The following ENAH variants were observed in gnomAD, a reference collection of about 807,000 sequenced individuals.
ENAH encodes the protein ENAH actin regulator.
A neutral mutation model predicts 78.7 loss-of-function variants in ENAH; 23 were observed. That is an observed-to-expected ratio of 0.29 (90% CI 0.21 to 0.41). The LOEUF is 0.41. Among genes scored for constraint, ENAH ranks in the 10% least tolerant of loss-of-function variants. The pLI, the probability that ENAH is intolerant of heterozygous loss-of-function variation, is 1.00. For missense variants in ENAH, 544 were observed against 691.0 expected, an observed-to-expected ratio of 0.79 and a Z score of 2.39; for synonymous variants, 226 against 241.0, an observed-to-expected ratio of 0.94 and a Z score of 0.58.
At chr1:225,501,372 T>G (rs1331800172) in intron 11 of ENAH, 2 of 276,000 alleles carry the variant, frequency 7.2e-6, no homozygotes, top group Non-Finnish European at 1.3e-5. Context: ...ACGTGGCACG[T>G]TGACCAAAAC....
chr1:225,616,131 C>T (rs996910195), intron 1 of ENAH, among the ~76,000 whole-genome samples: 1 of 151,990 alleles, frequency 6.6e-6, no homozygotes, highest in Non-Finnish European at 1.5e-5. Flanking sequence ...TTGAAGGCAG[C>T]ATGCTGGTTA....
At chr1:225,514,198 ACT>A in intron 7 of ENAH, among the ~76,000 whole-genome samples, 1 of 152,094 alleles carries the variant, frequency 6.6e-6, no homozygotes, top group Non-Finnish European at 1.5e-5. Flanking sequence ...ACAAAGTCTT[ACT>A]CTGTCACCCA....
At chr1:225,532,366 T>A (rs1393783923) in intron 3 of ENAH, among the ~76,000 whole-genome samples, 1 of 152,106 alleles carries the variant, frequency 6.6e-6, no homozygotes, top group Non-Finnish European at 1.5e-5. Context: ...AACTATTTTT[T>A]AAAATAATGT....
chr1:225,597,516 G>C (rs989615784), intron 1 of ENAH, among the ~76,000 whole-genome samples: 2 of 151,928 alleles, frequency 1.3e-5, no homozygotes, highest in Non-Finnish European at 2.9e-5. Flanking sequence ...AATTAGCTGG[G>C]CATGGTGGTA....
At chr1:225,593,221 A>G (rs1345488165) in intron 1 of ENAH, among the ~76,000 whole-genome samples, 2 of 152,178 alleles carry the variant, frequency 1.3e-5, no homozygotes, top group African/African-American at 4.8e-5. Context: ...CAGGAGTTTC[A>G]TAGTTCACAT....
chr1:225,536,446 C>G (rs1018649163), intron 3 of ENAH, among the ~76,000 whole-genome samples: 1 of 151,734 alleles, frequency 6.6e-6, no homozygotes, highest in African/African-American at 2.4e-5. Context: ...CAATAATTTT[C>G]TGTAAAATCC....
intron 1 of ENAH, among the ~76,000 whole-genome samples, chr1:225,641,278 A>G (rs1277005937): frequency 6.6e-6 from 1 of 152,026 alleles, no homozygotes; most frequent in Non-Finnish European, 1.5e-5. Flanking sequence ...TATGATGTCT[A>G]TATAGTAAAA....
intron 4 of ENAH, among the ~76,000 whole-genome samples, chr1:225,527,236 A>G (rs1300713749): frequency 2.0e-5 from 3 of 152,250 alleles, no homozygotes; most frequent in Non-Finnish European, 4.4e-5. Flanking sequence ...CCAGTTAAAC[A>G]GCCAAAGTTA....
intron 1 of ENAH, among the ~76,000 whole-genome samples, chr1:225,611,103 A>G (rs541323142): frequency 1.3e-5 from 2 of 152,300 alleles, no homozygotes; most frequent in East Asian, 3.9e-4. Context: ...AAGAGGGCAT[A>G]AAGTGATGGT....
intron 1 of ENAH, among the ~76,000 whole-genome samples, chr1:225,587,411 A>G (rs144162480): frequency 1.3e-5 from 2 of 152,356 alleles, no homozygotes; most frequent in African/African-American, 4.8e-5. Context: ...AAAGTTTTAA[A>G]AACTGCATTT....
chr1:225,573,357 TTCTC>T (rs1479562534), intron 1 of ENAH, among the ~76,000 whole-genome samples: 5 of 152,192 alleles, frequency 3.3e-5, no homozygotes, highest in African/African-American at 7.2e-5. Flanking sequence ...CTCTTATTAA[TTCTC>T]TCTGTGGTTC....
chr1:225,512,441 CA>C (rs1480941582), intron 9 of ENAH, among the ~76,000 whole-genome samples: 1 of 152,132 alleles, frequency 6.6e-6, no homozygotes, highest in Admixed American at 6.5e-5. Flanking sequence ...ATGCTTTTCC[CA>C]TAATTTCACA....
intron 10 of ENAH, among the ~76,000 whole-genome samples, chr1:225,511,534 G>A (rs2096376796): frequency 6.6e-6 from 1 of 152,148 alleles, no homozygotes; most frequent in Non-Finnish European, 1.5e-5. Flanking sequence ...TAACTAACAT[G>A]CTCACTTTAT....
At chr1:225,566,074 C>CAA (rs1160296256) in intron 2 of ENAH, among the ~76,000 whole-genome samples, 1 of 152,080 alleles carries the variant, frequency 6.6e-6, no homozygotes, top group South Asian at 2.1e-4. Context: ...CAGTGCTCTA[C>CAA]AACCAGTGTT....
At chr1:225,561,060 CCT>C (rs1270158691) in intron 2 of ENAH, among the ~76,000 whole-genome samples, 2 of 151,604 alleles carry the variant, frequency 1.3e-5, no homozygotes, top group African/African-American at 4.9e-5. Flanking sequence ...ATGGTGAAAC[CCT>C]GTCTCTACTG....
At chr1:225,620,038 T>A (rs572842130) in intron 1 of ENAH, among the ~76,000 whole-genome samples, 5 of 152,252 alleles carry the variant, frequency 3.3e-5, no homozygotes, top group South Asian at 2.1e-4. Flanking sequence ...ATACGATGCA[T>A]TAAATGGCCT....
intron 4 of ENAH, among the ~76,000 whole-genome samples, chr1:225,520,585 A>G (rs1044031747): frequency 6.6e-6 from 1 of 151,842 alleles, no homozygotes; most frequent in African/African-American, 2.4e-5. Flanking sequence ...TTGGTCTGGG[A>G]GCAGTGGCTC....
chr1:225,538,292 G>A (rs1412515630), intron 3 of ENAH, among the ~76,000 whole-genome samples: 1 of 151,814 alleles, frequency 6.6e-6, no homozygotes, highest in African/African-American at 2.4e-5. Flanking sequence ...ATAGAAGGGA[G>A]GCAGATACTG....
intron 1 of ENAH, among the ~76,000 whole-genome samples, chr1:225,583,572 A>C (rs1457508020): frequency 6.6e-6 from 1 of 151,966 alleles, no homozygotes; most frequent in African/African-American, 2.4e-5. Context: ...GCATTTTGGG[A>C]AGCAGAGGCG....
Sources: gnomAD v4.1 joint callset for allele counts (sites outside exome capture counted in the v4.1 genomes callset) on GRCh38, gnomAD v4.1.1 for gene constraint, MANE v1.5 for transcripts, NCBI Gene and HGNC (gene_info 2026-07-23, HGNC 2026-07-21) for gene names.